The following RFX8 variants were observed in gnomAD, a reference collection of about 807,000 sequenced individuals.
RFX8 encodes the protein DNA-binding protein RFX8.
RFX8 carries 46 observed loss-of-function variants against 54.6 expected under a neutral mutation model. The observed-to-expected ratio is 0.84, with a 90% CI of 0.67 to 1.08. The LOEUF (loss-of-function observed/expected upper bound fraction) is 1.08. Ranked by LOEUF, RFX8 falls within the 50% of genes least tolerant of loss-of-function variation. The pLI is 0.00. For missense variants in RFX8, 536 were observed against 562.3 expected, an observed-to-expected ratio of 0.95 and a Z score of 0.47; for synonymous variants, 192 against 209.5, an observed-to-expected ratio of 0.92 and a Z score of 0.72.
intron 2 of RFX8, among the ~76,000 whole-genome samples, chr2:101,428,741 C>A (rs2104605162): frequency 6.6e-6 from 1 of 152,274 alleles, no homozygotes; most frequent in East Asian, 1.9e-4. Flanking sequence ...AATGTGCAGC[C>A]AAACAGTACG....
At chr2:101,442,614 C>T (rs1688158700) in intron 2 of RFX8, among the ~76,000 whole-genome samples, 1 of 152,010 alleles carries the variant, frequency 6.6e-6, no homozygotes, top group Admixed American at 6.6e-5. Context: ...ATTCAAATCA[C>T]TGTTATAGGT....
At chr2:101,436,717 T>C (rs1488823658) in intron 2 of RFX8, among the ~76,000 whole-genome samples, 2 of 152,116 alleles carry the variant, frequency 1.3e-5, no homozygotes, top group African/African-American at 4.8e-5. Context: ...TTCGTAAAAG[T>C]CGTGTGTGAG....
At chr2:101,452,162 A>G (rs1344799928) in intron 2 of RFX8, among the ~76,000 whole-genome samples, 1 of 152,218 alleles carries the variant, frequency 6.6e-6, no homozygotes, top group East Asian at 1.9e-4. Context: ...ATATATTGTA[A>G]CCTTCATATT....
chr2:101,418,681 G>A (rs1686678527), intron 5 of RFX8, among the ~76,000 whole-genome samples, 170 bp downstream of exon 5: 2 of 152,150 alleles, frequency 1.3e-5, no homozygotes, highest in Admixed American at 6.5e-5. Context: ...AATTCACAAA[G>A]GAAAACTGAG....
chr2:101,455,926 C>T (rs1453574039), intron 2 of RFX8, among the ~76,000 whole-genome samples: 1 of 152,086 alleles, frequency 6.6e-6, no homozygotes, highest in Non-Finnish European at 1.5e-5. Context: ...TGAAGAGGTC[C>T]TTCACATCCC....
At chr2:101,436,674 C>G (rs996571491) in intron 2 of RFX8, among the ~76,000 whole-genome samples, 2 of 152,144 alleles carry the variant, frequency 1.3e-5, no homozygotes, top group Non-Finnish European at 2.9e-5. Context: ...CTAGAGAGCT[C>G]GCTTCTGGGT....
chr2:101,467,487 T>C (rs1293529984), intron 1 of RFX8, among the ~76,000 whole-genome samples: 1 of 152,166 alleles, frequency 6.6e-6, no homozygotes, highest in African/African-American at 2.4e-5. Flanking sequence ...CAATGAGGTG[T>C]AAAATGCAAG....
chr2:101,414,552 G>GT (rs1181872914), intron 7 of RFX8, among the ~76,000 whole-genome samples: 3 of 152,074 alleles, frequency 2.0e-5, no homozygotes, highest in Non-Finnish European at 4.4e-5. Context: ...GCGATTACAG[G>GT]TACGAGCCCC....
At chr2:101,435,819 G>T (rs1480008103) in intron 2 of RFX8, among the ~76,000 whole-genome samples, 1 of 83,742 alleles carries the variant, frequency 1.2e-5, no homozygotes, top group Non-Finnish European at 3.0e-5. Flanking sequence ...GCACATTTAT[G>T]GTCATTTTCA....
intron 11 of RFX8, among the ~76,000 whole-genome samples, chr2:101,398,661 C>T (rs146069397): frequency 7.2e-5 from 11 of 152,328 alleles, no homozygotes; most frequent in Non-Finnish European, 1.3e-4. Flanking sequence ...TCCTCAGCCA[C>T]TTCACCTGAC....
chr2:101,428,606 T>C (rs1687315138), intron 2 of RFX8, among the ~76,000 whole-genome samples: 1 of 152,256 alleles, frequency 6.6e-6, no homozygotes, highest in Non-Finnish European at 1.5e-5. Context: ...ACATTAGTTA[T>C]TCATAGTTCT....
At chr2:101,403,191 C>T (rs371596930) in intron 10 of RFX8, among the ~76,000 whole-genome samples, 15 of 152,244 alleles carry the variant, frequency 9.9e-5, no homozygotes, top group African/African-American at 3.6e-4. Flanking sequence ...TGAAACGTAG[C>T]GCCTTGCCCC....
chr2:101,397,895 G>T (rs1206861673), intron 11 of RFX8, among the ~76,000 whole-genome samples, 171 bp from the exon 12 acceptor site: 2 of 151,630 alleles, frequency 1.3e-5, no homozygotes, highest in Non-Finnish European at 2.9e-5. Flanking sequence ...TTCCACTCTT[G>T]TTACCCAGGC....
chr2:101,464,814 G>A (rs1384291581), intron 2 of RFX8, among the ~76,000 whole-genome samples: 1 of 151,926 alleles, frequency 6.6e-6, no homozygotes, highest in Non-Finnish European at 1.5e-5. Context: ...AGGTGAAACA[G>A]CCTTATAAAA....
intron 11 of RFX8, among the ~76,000 whole-genome samples, chr2:101,399,431 G>C (rs751322740): frequency 6.6e-6 from 1 of 152,146 alleles, no homozygotes; most frequent in African/African-American, 2.4e-5. Flanking sequence ...TATTACCTTG[G>C]ATTACCTGAC....
intron 2 of RFX8, chr2:101,434,891 C>T (rs79135247): frequency 0.11 from 17,171 of 152,370 alleles, 1,216 homozygotes; most frequent in African/African-American, 0.2. Flanking sequence ...GGGGCCCTGG[C>T]CCCAGGAAGA....
intron 2 of RFX8, among the ~76,000 whole-genome samples, chr2:101,436,108 G>A (rs913205505): frequency 6.6e-6 from 1 of 152,196 alleles, no homozygotes; most frequent in Non-Finnish European, 1.5e-5. Context: ...TGTGGAGGGA[G>A]GAGCGGGATG....
chr2:101,457,147 A>C (rs1358819130), intron 2 of RFX8, among the ~76,000 whole-genome samples: 1 of 152,062 alleles, frequency 6.6e-6, no homozygotes, highest in Non-Finnish European at 1.5e-5. Context: ...TGATCTTTTC[A>C]AAAAACCAGC....
intron 2 of RFX8, among the ~76,000 whole-genome samples, chr2:101,442,956 C>T (rs1222601918): frequency 1.3e-5 from 2 of 152,130 alleles, no homozygotes; most frequent in East Asian, 1.9e-4. Context: ...CTAGGCAGAT[C>T]GGCTCACACC....
Sources: gnomAD v4.1 joint callset for allele counts (sites outside exome capture counted in the v4.1 genomes callset) on GRCh38, gnomAD v4.1.1 for gene constraint, MANE v1.5 for transcripts, NCBI Gene and HGNC (gene_info 2026-07-23, HGNC 2026-07-21) for gene names.